Variants in SPTBN2 observed in about 807,000 individuals in gnomAD.
SPTBN2 encodes spectrin beta, non-erythrocytic 2.
SPTBN2 carries 107 observed loss-of-function variants against 284.2 expected under a neutral mutation model. The observed-to-expected ratio is 0.38, with a 90% CI of 0.32 to 0.44. SPTBN2 has a LOEUF of 0.44. SPTBN2 is among the 20% of genes least tolerant of loss of function. SPTBN2 has a pLI of 1.00. For synonymous variants in SPTBN2, 1,289 were observed against 1,354.8 expected, an observed-to-expected ratio of 0.95 and a Z score of 1.07; for missense variants, 2,569 against 3,287.1, an observed-to-expected ratio of 0.78 and a Z score of 5.34.
rs116078747 is a variant in SPTBN2, at chr11:66,707,825, C to T, written c.1351-7G>A. 1.2e-3 allele frequency: 1,936 copies of T among 1,607,658 alleles called. 3 individuals are homozygous for T. The highest frequency in any genetic ancestry group is 7.1e-3 in the Admixed American group (423 of 59,984). ...GCTCCAGCCCAAAGTTGTCCTGTGT[C>T]GGGGGCAGGGAGAGGAGGTGTGGGG... On this transcript the variant is annotated splice_region_variant and splice_polypyrimidine_tract_variant and intron_variant, in intron 12 of 37. Transcript: ENST00000533211. This position sits in a 1 kb window ranked among gnomAD's most constrained non-coding sequence, Gnocchi z 4.9.
chr11:66,692,430 G>A (rs1940621651), intron 26 of SPTBN2, 106 bp downstream of exon 26: 17 of 1,368,562 alleles, frequency 1.2e-5, no homozygotes, highest in Non-Finnish European at 1.4e-5. Flanking sequence ...GCCTGGTCTT[G>A]CCCCTTAGCC....
intron 1 of SPTBN2, among the ~76,000 whole-genome samples, chr11:66,722,892 CAAAA>C (rs1293210992): frequency 3.6e-5 from 2 of 55,226 alleles, no homozygotes. Context: ...GATTCTGCCT[CAAAA>C]AAAAAAAAAA....
At chr11:66,686,496 C>A (rs925860026) in intron 36 of SPTBN2, 56 bp from the exon 37 acceptor site, 19 of 1,602,710 alleles carry the variant, frequency 1.2e-5, no homozygotes, top group Non-Finnish European at 1.0e-5. Flanking sequence ...TGCCAGGTAG[C>A]TGCTGGTGAG....
At position 66,686,005 on chromosome 11, in the gene SPTBN2, G is replaced by A. The variant is rs746195427; in HGVS notation, c.7039C>T (p.Arg2347Trp). 2.3e-5 allele frequency: 37 copies of A among 1,613,526 alleles called. No individual in the cohort carries two copies. The Middle Eastern group carries it at 8.3e-4, about 36-fold the overall frequency. ...PEEPVVPSTT[R>W]GMTRAMTMPP... ...ATGGTCATGGCCCGGGTCATGCCCC[G>A]GGTGGTGCTGGGCACCACCGGCTCT... Residue 2347 changes from arginine (R) to tryptophan (W), a missense_variant, in exon 38 of 38, where the codon CGG (arginine) becomes TGG (tryptophan). Around this residue, in one of 6 missense-constraint regions of SPTBN2, gnomAD observed 1,130 missense variants for 1,317.3 expected, o/e 0.86. Coordinates refer to ENST00000533211, the MANE Select transcript of SPTBN2 (RefSeq NM_006946.4).
Position 66,689,852 on chromosome 11 carries a change from C to G in SPTBN2, c.5902G>C (p.Asp1968His). The part of the protein sequence containing the change: ...ARADRFSSCI[D>H]MGKELLARSH... ...CTGGCCAGCAGCTCCTTCCCCATGT[C>G]GATGCAGGAGGAGAAGCGGTCTGCC... Residue 1968 changes from aspartate to histidine, a missense_variant, in exon 29 of 38, where the codon GAC becomes CAC. Physicochemically the swap from Asp to His is moderately conservative, Grantham distance 81 (BLOSUM62 -1). Coordinates refer to ENST00000533211, the MANE Select transcript of SPTBN2 (RefSeq NM_006946.4). 1 of 1,614,152 alleles carries G rather than the reference C, an allele frequency of 6.2e-7. No homozygotes were observed. Among genetic ancestry groups the G allele is most frequent in the Non-Finnish European group, 8.5e-7 (1 of 1,180,042 alleles).
At chr11:66,699,661 C>T in intron 17 of SPTBN2, 53 bp from the exon 18 acceptor site, 1 of 1,594,890 alleles carries the variant, frequency 6.3e-7, no homozygotes. Context: ...ATTCACCCCC[C>T]TAGGAGGGAC....
rs943649157 is a variant in SPTBN2 at position 66,693,046 on chromosome 11, G to C, written c.4909C>G (p.Leu1637Val). 4 of 1,613,810 alleles carry C rather than the reference G, an allele frequency of 2.5e-6. No homozygotes were observed. Among genetic ancestry groups the C allele is most frequent in the Admixed American group, 3.3e-5 (2 of 60,036 alleles). ...VKKHQVLEQA[L>V]ADYAQTIHQL... ...TGGATGGTCTGCGCGTAGTCGGCCAGGGCTTGCTCCAGCACCTGGTGCTTC... is the reference window on the plus strand; with the variant it reads ...TGGATGGTCTGCGCGTAGTCGGCCACGGCTTGCTCCAGCACCTGGTGCTTC... The change falls in exon 25 of 38, where the codon CTG becomes GTG. Residue 1637 changes from leucine (L) to valine (V), a missense_variant. Around this residue, in one of 6 missense-constraint regions of SPTBN2, gnomAD observed 1,130 missense variants for 1,317.3 expected, o/e 0.86. Coordinates refer to ENST00000533211, the MANE Select transcript of SPTBN2 (RefSeq NM_006946.4). The surrounding 1 kb of genome is among the most constrained non-coding windows in gnomAD (Gnocchi z 5.7).
intron 8 of SPTBN2, among the ~76,000 whole-genome samples, chr11:66,712,222 A>G (rs924670872): frequency 6.6e-6 from 1 of 152,214 alleles, no homozygotes; most frequent in African/African-American, 2.4e-5. Context: ...TGAAGATTAA[A>G]ACACATCAAG....
At chr11:66,731,981 G>C (rs535290412), upstream of SPTBN2, among the ~76,000 whole-genome samples, 4 of 152,326 alleles carry the variant, frequency 2.6e-5, no homozygotes, top group South Asian at 8.3e-4. Flanking sequence ...AGTTCAGGAT[G>C]TTAAGAGAGA....
rs944357366 is a variant in SPTBN2, at chr11:66,705,179, G to A, written c.2097C>T (p.Leu699=). ...CCAACTGCTGGCCCTGCTCCAGGGT[G>A]AGCTTCAGGGGCCCCAGCCGGCCGC... is the stretch of plus-strand genomic sequence containing the variant. The part of the protein sequence containing the change: ...EMSGRLGPLK[L]TLEQGQQLVA... Residue 699 remains leucine (L), a synonymous_variant, in exon 15 of 38, where the codon CTC becomes CTT. Transcript: ENST00000533211. 1.0e-5 allele frequency: 16 copies of A among 1,534,974 alleles called. No homozygotes were observed. The African/African-American group carries it at 2.2e-4, about 21-fold the overall frequency.
At chr11:66,690,750 A>G (rs1360059438) in intron 27 of SPTBN2, among the ~76,000 whole-genome samples, 2 of 152,180 alleles carry the variant, frequency 1.3e-5, no homozygotes, top group African/African-American at 4.8e-5. Flanking sequence ...CCCTGAAGAC[A>G]TCATGGGCTC....
At chr11:66,729,378 T>A (rs1590995052), upstream of SPTBN2, among the ~76,000 whole-genome samples, 1 of 152,124 alleles carries the variant, frequency 6.6e-6, no homozygotes, top group East Asian at 1.9e-4. Flanking sequence ...GTGAGCTTTG[T>A]ACAGAGCCGT....
In SPTBN2 at chr11:66,705,337, G is replaced by A. The variant is rs967503550; in HGVS notation, c.1939C>T (p.Leu647Phe). The change falls in exon 15 of 38, where the codon CTC becomes TTC. Residue 647 changes from leucine (L) to phenylalanine (F), a missense_variant. Around this residue, in one of 6 missense-constraint regions of SPTBN2, gnomAD observed 1,012 missense variants for 1,248.9 expected, o/e 0.81. Transcript: ENST00000533211. ...GCCTCAGCTTCACCCACCTCCCAGAGGAAACGCCAGAGCCGCCGTGATTCC... is the reference window on the plus strand; with the variant it reads ...GCCTCAGCTTCACCCACCTCCCAGAAGAAACGCCAGAGCCGCCGTGATTCC... Reference protein sequence around the residue: ...LEESRRLWRFLWEVGEAEAWV... With the variant: ...LEESRRLWRFFWEVGEAEAWV... The A allele has an allele frequency of 1.9e-6, 3 of 1,610,576 alleles. No individual in the cohort carries two copies. Among genetic ancestry groups the A allele is most frequent in the Non-Finnish European group, 2.5e-6 (3 of 1,179,730 alleles).
At position 66,715,769 on chromosome 11, in the gene SPTBN2, A is replaced by T; in HGVS notation, c.309+61T>A. 2 of 1,598,616 alleles carry T rather than the reference A, an allele frequency of 1.3e-6. No individual in the cohort carries two copies. Among genetic ancestry groups the T allele is most frequent in the Non-Finnish European group, 1.7e-6 (2 of 1,173,316 alleles). ...CACTCTCTCTGAGGGCTGTTCTTCC[A>T]GCTGGTCCCCTTGGACACTTTTCTA... On this transcript the variant is annotated intron_variant, in intron 4 of 37. Coordinates refer to ENST00000533211, the MANE Select transcript of SPTBN2 (RefSeq NM_006946.4). The surrounding 1 kb of genome is among the most constrained non-coding windows in gnomAD (Gnocchi z 5.3).
At chr11:66,732,651 CAAAA>C (rs58620927), upstream of SPTBN2, among the ~76,000 whole-genome samples, 3 of 75,836 alleles carry the variant, frequency 4.0e-5, no homozygotes, top group Admixed American at 1.5e-4. Flanking sequence ...CTCTGTCTCT[CAAAA>C]AAAAAAAAAA....
chr11:66,705,570 A>G, intron 14 of SPTBN2, 102 bp from the exon 15 acceptor site: 1 of 1,602,902 alleles, frequency 6.2e-7, no homozygotes, highest in Non-Finnish European at 8.5e-7. Flanking sequence ...TAGCTCAGTC[A>G]CCATCGTTTG....
rs1940664505 is a variant in SPTBN2 at position 66,692,978 on chromosome 11, G to A, written c.4977C>T (p.His1659=). The A allele has an allele frequency of 6.2e-7, 1 of 1,605,888 alleles. No homozygotes were observed. Among genetic ancestry groups the A allele is most frequent in the Non-Finnish European group, 8.5e-7 (1 of 1,179,972 alleles). ...GCTGCCGCTGCACCCACCTCTCTGG[G>A]TGCTCGTGGTCAATCATGTCCTGGC... ...ASSQDMIDHE[H]PESTRISIRQ... is the part of the protein sequence containing the mutation. The change falls in exon 25 of 38, where the codon CAC becomes CAT. Residue 1659 remains histidine (H), a synonymous_variant. Transcript: ENST00000533211.
At chr11:66,743,453 T>A (rs1942916979) in intron 1 of SPTBN2, among the ~76,000 whole-genome samples, 1 of 152,186 alleles carries the variant, frequency 6.6e-6, no homozygotes, top group African/African-American at 2.4e-5. Context: ...GAATTTTTCC[T>A]GAAGGAAAGC....
intron 1 of SPTBN2, among the ~76,000 whole-genome samples, chr11:66,722,694 G>C (rs1289708791): frequency 6.6e-6 from 1 of 151,358 alleles, no homozygotes; most frequent in African/African-American, 2.4e-5. Flanking sequence ...AGGAGTTTGA[G>C]ACCAGCCTGG....
Sources: allele counts gnomAD v4.1 joint callset (sites outside exome capture counted in the v4.1 genomes callset), GRCh38; gene constraint gnomAD v4.1.1; regional missense constraint gnomAD v4.1.1; non-coding constraint Gnocchi (gnomAD v3.1); transcripts MANE v1.5; gene names NCBI Gene and HGNC (gene_info 2026-07-23, HGNC 2026-07-21).